Variants in MGAT4C observed in about 807,000 individuals in gnomAD.
The protein encoded by MGAT4C is alpha-1,3-mannosyl-glycoprotein 4-beta-N-acetylglucosaminyltransferase C.
A neutral mutation model predicts 40.1 loss-of-function variants in MGAT4C; 19 were observed. The ratio of observed to expected loss-of-function variants is 0.47; its 90% CI spans 0.33 to 0.70. MGAT4C has a LOEUF of 0.70. MGAT4C is among the 30% of genes least tolerant of loss of function. The probability of loss-of-function intolerance (pLI) is 0.02; values close to 1 mark genes in which losing one functional copy is unlikely to be tolerated. For missense variants in MGAT4C, 491 were observed against 563.2 expected (o/e 0.87, Z 1.30); for synonymous variants, 181 against 187.1 (o/e 0.97, Z 0.27).
At chr12:86,536,874 A>G (rs1226745389) in intron 2 of MGAT4C, among the ~76,000 whole-genome samples, 1 of 152,234 alleles carries the variant, frequency 6.6e-6, no homozygotes, top group East Asian at 1.9e-4. Context: ...CTGGGTATAT[A>G]CCCAAAGGAT....
chr12:86,259,375 G>A (rs938845067), upstream of MGAT4C, among the ~76,000 whole-genome samples: 7 of 151,968 alleles, frequency 4.6e-5, no homozygotes, highest in East Asian at 1.9e-4. Flanking sequence ...AATAAGACAC[G>A]TAACTGTTTT....
chr12:86,584,412 C>T lies in MGAT4C; in HGVS notation c.-229+142797G>A, dbSNP rs999552422. 4.6e-5 allele frequency among the ~76,000 whole-genome samples: 7 copies of T among 150,952 alleles called. No homozygotes were observed. The East Asian group carries it at 1.4e-3, about 29-fold the overall frequency. On this transcript the variant is annotated intron_variant, in intron 2 of 7. Coordinates refer to the MGAT4C transcript ENST00000548651. ...GGAATTCTTCCTGTGAAGTTAATTA[C>T]AAGTTTTCCTAAGAAAACAATAATA...
chr12:86,055,696 GT>G (rs949979924), intron 1 of MGAT4C, among the ~76,000 whole-genome samples: 21 of 149,914 alleles, frequency 1.4e-4, no homozygotes, highest in East Asian at 9.8e-4. Flanking sequence ...ACATATAAGG[GT>G]TTTTTTTTTC....
At chr12:86,700,632 C>G (rs1950345406) in intron 2 of MGAT4C, among the ~76,000 whole-genome samples, 1 of 152,000 alleles carries the variant, frequency 6.6e-6, no homozygotes, top group Non-Finnish European at 1.5e-5. Flanking sequence ...TCTATATCTA[C>G]TGAAACAGAA....
intron 2 of MGAT4C, among the ~76,000 whole-genome samples, chr12:86,628,143 T>A (rs555297842): frequency 2.8e-4 from 43 of 152,208 alleles, no homozygotes; most frequent in South Asian, 6.2e-4. Flanking sequence ...AGAAAGGGTA[T>A]CAGTGATTGA....
intron 2 of MGAT4C, among the ~76,000 whole-genome samples, chr12:86,665,656 C>T (rs1180668022): frequency 1.3e-5 from 2 of 152,116 alleles, no homozygotes; most frequent in African/African-American, 2.4e-5. Flanking sequence ...CAGGCGTGAG[C>T]CACCGCTCCC....
intron 3 of MGAT4C, among the ~76,000 whole-genome samples, chr12:86,377,136 C>T (rs1015609903): frequency 9.3e-5 from 14 of 151,192 alleles, no homozygotes; most frequent in African/African-American, 3.2e-4. Context: ...TCTCCGCTCA[C>T]TGCAACCTCC....
At chr12:86,053,107 T>C (rs1893048603) in intron 1 of MGAT4C, among the ~76,000 whole-genome samples, 1 of 151,862 alleles carries the variant, frequency 6.6e-6, no homozygotes, top group Non-Finnish European at 1.5e-5. Flanking sequence ...TACCTCAGCC[T>C]ACACATGTGA....
intron 2 of MGAT4C, among the ~76,000 whole-genome samples, chr12:86,527,926 G>A (rs112397301): frequency 3.0e-4 from 46 of 152,228 alleles, no homozygotes; most frequent in African/African-American, 1.1e-3. Flanking sequence ...GGCTGAAAGT[G>A]AGGCAGGTGA....
chr12:86,446,793 C>T (rs913555283), intron 2 of MGAT4C, among the ~76,000 whole-genome samples: 1 of 148,336 alleles, frequency 6.7e-6, no homozygotes, highest in Admixed American at 6.8e-5. Context: ...AAGCTGCATA[C>T]TATTGCCATG....
chr12:86,783,169 C>T (rs555602580), intron 1 of MGAT4C, among the ~76,000 whole-genome samples: 1 of 152,186 alleles, frequency 6.6e-6, no homozygotes, highest in African/African-American at 2.4e-5. Flanking sequence ...AAACTGAGAA[C>T]ACTGGTTTGA....
At chr12:86,660,032 A>T (rs1963943703) in intron 2 of MGAT4C, among the ~76,000 whole-genome samples, 1 of 147,340 alleles carries the variant, frequency 6.8e-6, no homozygotes, top group African/African-American at 2.7e-5. Flanking sequence ...CACAGCTTGA[A>T]GTCATGATAA....
At chr12:86,264,182 G>T (rs1007981122) in intron 4 of MGAT4C, among the ~76,000 whole-genome samples, 2 of 152,040 alleles carry the variant, frequency 1.3e-5, no homozygotes, top group African/African-American at 4.8e-5. Context: ...AAGCTTTTTA[G>T]TTTAAGTTCA....
chr12:86,569,088 G>T (rs917957312), intron 2 of MGAT4C, among the ~76,000 whole-genome samples: 1 of 151,800 alleles, frequency 6.6e-6, no homozygotes, highest in Non-Finnish European at 1.5e-5. Context: ...TGAATTAGAA[G>T]AATATATATA....
intron 1 of MGAT4C, among the ~76,000 whole-genome samples, chr12:86,189,969 C>T (rs1046629104): frequency 6.6e-6 from 1 of 151,940 alleles, no homozygotes; most frequent in Non-Finnish European, 1.5e-5. Flanking sequence ...ACTTTAAATG[C>T]CTAATATATC....
chr12:86,751,164 T>C (rs1951226633), intron 1 of MGAT4C, among the ~76,000 whole-genome samples: 1 of 151,952 alleles, frequency 6.6e-6, no homozygotes, highest in South Asian at 2.1e-4. Flanking sequence ...AATCCACTGG[T>C]ATGCAAAATG....
intron 2 of MGAT4C, among the ~76,000 whole-genome samples, chr12:86,567,247 T>C (rs1165171352): frequency 6.6e-6 from 1 of 152,110 alleles, no homozygotes; most frequent in Non-Finnish European, 1.5e-5. Context: ...AGCAATTTTT[T>C]TGTTTCCTGT....
Position 86,734,165 on chromosome 12 carries a change from CTG to C in MGAT4C, c.-261-6926_-261-6925del, listed in dbSNP as rs140013024. Among the ~76,000 whole-genome samples the C allele has an allele frequency of 4.6e-3, 698 of 152,080 alleles. 1 individual carries two copies. Among genetic ancestry groups the C allele is most frequent in the African/African-American group, 0.016 (684 of 41,492 alleles). ...GCCTTTATAAAAGAGAAAATAAAAACTGTTGTTAAAAGCTAGTTATGAAGGGA... is the reference window on the plus strand; with the variant it reads ...GCCTTTATAAAAGAGAAAATAAAAACTTGTTAAAAGCTAGTTATGAAGGGA... On this transcript the variant is annotated intron_variant, in intron 1 of 7. Coordinates refer to the MGAT4C transcript ENST00000548651.
intron 4 of MGAT4C, among the ~76,000 whole-genome samples, chr12:86,322,990 G>C (rs937066838): frequency 3.3e-5 from 5 of 151,826 alleles, no homozygotes; most frequent in Non-Finnish European, 7.4e-5. Flanking sequence ...CTCATCACAA[G>C]CATTGCTCAT....
Sources: gnomAD v4.1 joint callset for allele counts (sites outside exome capture counted in the v4.1 genomes callset) on GRCh38, gnomAD v4.1.1 for gene constraint, MANE v1.5 for transcripts, NCBI Gene and HGNC (gene_info 2026-07-23, HGNC 2026-07-21) for gene names.